The following DNAJB6 variants were observed in gnomAD, a reference collection of about 807,000 sequenced individuals.
The protein encoded by DNAJB6 is DnaJ heat shock protein family (Hsp40) member B6, also known as dnaJ homolog subfamily B member 6.
Under a neutral mutation model 42.7 loss-of-function variants are expected in DNAJB6, and 16 were observed. The ratio of observed to expected loss-of-function variants is 0.37; its 90% CI spans 0.25 to 0.57. The LOEUF (loss-of-function observed/expected upper bound fraction) is 0.57. Among genes scored for constraint, DNAJB6 ranks in the 20% least tolerant of loss-of-function variants. DNAJB6 has a pLI of 0.74. For synonymous variants in DNAJB6, 170 were observed against 163.5 expected (o/e 1.04, Z -0.30); for missense variants, 347 against 416.8 (o/e 0.83, Z 1.46).
chr7:157,361,585 A>G (rs1033975504), intron 2 of DNAJB6, among the ~76,000 whole-genome samples: 1 of 152,244 alleles, frequency 6.6e-6, no homozygotes, highest in Non-Finnish European at 1.5e-5. Context: ...ATTGAGCCAC[A>G]ACAGCTTTAC....
At chr7:157,376,946 G>T (rs1479716808) in intron 5 of DNAJB6, among the ~76,000 whole-genome samples, 1 of 152,106 alleles carries the variant, frequency 6.6e-6, no homozygotes, top group African/African-American at 2.4e-5. Flanking sequence ...CTCAAAGCAG[G>T]GGGGCTTCCA....
At chr7:157,339,127 C>G (rs762995467) in intron 1 of DNAJB6, among the ~76,000 whole-genome samples, 3 of 152,026 alleles carry the variant, frequency 2.0e-5, no homozygotes, top group Non-Finnish European at 4.4e-5. Flanking sequence ...ATACCTGTTA[C>G]TGAGTGGCGT....
chr7:157,385,002 C>G lies in DNAJB6; in HGVS notation c.614C>G (p.Thr205Arg). ...ATGGTTAATGGCAGAAAAATCACTA[C>G]AAAGAGGTACTGTGGTATTCTGCAT... ...TKMVNGRKIT[T>R]KRIVENGQER... Residue 205 changes from threonine (T) to arginine (R), a missense_variant, in exon 7 of 10, where the codon ACA becomes AGA. Transcript: ENST00000262177. 6.2e-7 allele frequency: 1 copy of G among 1,613,994 alleles called. No homozygotes were observed. The highest frequency in any genetic ancestry group is 8.5e-7 in the Non-Finnish European group (1 of 1,179,936).
chr7:157,398,618 TGAG>T (rs751078542), intron 8 of DNAJB6, among the ~76,000 whole-genome samples: 44 of 152,292 alleles, frequency 2.9e-4, no homozygotes, highest in Middle Eastern at 3.4e-3. Context: ...GTTTTTGGCT[TGAG>T]GGGGGGGATG....
intron 1 of DNAJB6, among the ~76,000 whole-genome samples, chr7:157,355,456 G>A (rs1302471787): frequency 6.6e-6 from 1 of 152,220 alleles, no homozygotes; most frequent in Non-Finnish European, 1.5e-5. Flanking sequence ...CACCGCACCC[G>A]GCCAGCATTC....
At chr7:157,360,216 C>G (rs1272965701) in intron 2 of DNAJB6, among the ~76,000 whole-genome samples, 1 of 152,122 alleles carries the variant, frequency 6.6e-6, no homozygotes, top group Non-Finnish European at 1.5e-5. Flanking sequence ...GGGCGAAAGA[C>G]ACTTCTTACA....
chr7:157,401,964 GGCT>G (rs1795537462), intron 8 of DNAJB6, among the ~76,000 whole-genome samples: 1 of 152,180 alleles, frequency 6.6e-6, no homozygotes, highest in South Asian at 2.1e-4. Context: ...GGAGCCCACA[GGCT>G]GCTTATCTTA....
chr7:157,345,050 A>G (rs1440339428), intron 1 of DNAJB6, among the ~76,000 whole-genome samples: 4 of 151,712 alleles, frequency 2.6e-5, no homozygotes, highest in African/African-American at 7.3e-5. Flanking sequence ...CTAGAGTGCA[A>G]TGGAGTGGTC....
At chr7:157,384,794 CT>C in intron 6 of DNAJB6, 72 bp from the exon 7 acceptor site, 1 of 1,467,930 alleles carries the variant, frequency 6.8e-7, no homozygotes, top group Non-Finnish European at 9.4e-7. Flanking sequence ...TGCTACTGAA[CT>C]TTCAAACTCT....
At chr7:157,367,247 C>T in intron 4 of DNAJB6, 126 bp from the exon 5 acceptor site, 1 of 661,966 alleles carries the variant, frequency 1.5e-6, no homozygotes, top group Non-Finnish European at 2.7e-6. Flanking sequence ...TTATAGAGAA[C>T]TTCAGGTTTA....
At chr7:157,395,942 C>T (rs1479373474) in intron 8 of DNAJB6, among the ~76,000 whole-genome samples, 3 of 133,690 alleles carry the variant, frequency 2.2e-5, no homozygotes. Flanking sequence ...AGGCTTGAGC[C>T]TGTAATTTTT....
chr7:157,405,338 C>T (rs938951789), intron 8 of DNAJB6, among the ~76,000 whole-genome samples: 10 of 152,168 alleles, frequency 6.6e-5, no homozygotes, highest in African/African-American at 2.4e-4. Context: ...CTGTGTGGCG[C>T]CTGCTTCCAG....
At chr7:157,369,206 T>C in intron 5 of DNAJB6, 1 of 448,148 alleles carries the variant, frequency 2.2e-6, no homozygotes. Flanking sequence ...GAAACAGAGC[T>C]CAAGAAAGAA....
At chr7:157,337,655 A>G (rs1217549237) in intron 1 of DNAJB6, 2 of 152,294 alleles carry the variant, frequency 1.3e-5, no homozygotes, top group African/African-American at 2.4e-5. Flanking sequence ...CCCTGTTTCT[A>G]GAACTCCGGA....
intron 8 of DNAJB6, among the ~76,000 whole-genome samples, chr7:157,404,388 C>T (rs556889809): frequency 1.1e-4 from 17 of 150,764 alleles, no homozygotes; most frequent in African/African-American, 3.2e-4. Context: ...ACCCCCTCGG[C>T]TCAAGTAATT....
At chr7:157,364,170 A>T (rs949910870) in intron 3 of DNAJB6, among the ~76,000 whole-genome samples, 1 of 151,704 alleles carries the variant, frequency 6.6e-6, no homozygotes, top group Non-Finnish European at 1.5e-5. Flanking sequence ...GCGCCACTGC[A>T]CTCCAGCCTG....
At chr7:157,395,097 C>T (rs1464929549) in intron 8 of DNAJB6, among the ~76,000 whole-genome samples, 2 of 132,304 alleles carry the variant, frequency 1.5e-5, no homozygotes, top group South Asian at 2.5e-4. Context: ...CTGTGCCCGC[C>T]GCGCCCCCCC....
chr7:157,369,160 T>G (rs1799988945), intron 5 of DNAJB6: 1 of 404,540 alleles, frequency 2.5e-6, no homozygotes, highest in Admixed American at 2.7e-5. Context: ...GCTCATCGTT[T>G]AAGTGCATTT....
At chr7:157,410,196 G>T (rs921867536) in intron 9 of DNAJB6, 195 bp downstream of exon 9, 80 of 1,339,580 alleles carry the variant, frequency 6.0e-5, no homozygotes, top group Non-Finnish European at 7.7e-5. Flanking sequence ...CGGTGGCTCC[G>T]GGCCCCCCAC....
Sources: gnomAD v4.1 joint callset for allele counts (sites outside exome capture counted in the v4.1 genomes callset) on GRCh38, gnomAD v4.1.1 for gene constraint, MANE v1.5 for transcripts, NCBI Gene and HGNC (gene_info 2026-07-23, HGNC 2026-07-21) for gene names.